The following SCGN variants were observed in gnomAD, a reference collection of about 807,000 sequenced individuals.
SCGN encodes secretagogin, EF-hand calcium binding protein.
Under a neutral mutation model 39.7 loss-of-function variants are expected in SCGN, and 30 were observed. The ratio of observed to expected loss-of-function variants is 0.76; its 90% CI spans 0.57 to 1.03. The LOEUF (loss-of-function observed/expected upper bound fraction) is 1.03. Ranked by LOEUF, SCGN falls within the 50% of genes least tolerant of loss-of-function variation. The probability of loss-of-function intolerance (pLI) is 0.00; values close to 1 mark genes in which losing one functional copy is unlikely to be tolerated. For synonymous variants in SCGN, 106 were observed against 114.1 expected (o/e 0.93, Z 0.45); for missense variants, 353 against 349.4 (o/e 1.01, Z -0.08).
chr6:25,693,412 A>C (rs1208966132), intron 10 of SCGN, among the ~76,000 whole-genome samples: 2 of 137,114 alleles, frequency 1.5e-5, no homozygotes, highest in African/African-American at 5.5e-5. Flanking sequence ...AGATTGGGCC[A>C]CTGCACTCCA....
intron 6 of SCGN, among the ~76,000 whole-genome samples, chr6:25,676,199 T>C (rs1759561144): frequency 6.6e-6 from 1 of 152,218 alleles, no homozygotes; most frequent in Non-Finnish European, 1.5e-5. Context: ...GCACAATTAT[T>C]TCTCAACTGA....
At chr6:25,653,967 C>T (rs1318365384) in intron 2 of SCGN, among the ~76,000 whole-genome samples, 1 of 152,084 alleles carries the variant, frequency 6.6e-6, no homozygotes, top group African/African-American at 2.4e-5. Flanking sequence ...ATACTCAGAG[C>T]CCAGATACAA....
chr6:25,686,783 A>G (rs935749181), intron 7 of SCGN, among the ~76,000 whole-genome samples: 5 of 152,152 alleles, frequency 3.3e-5, no homozygotes, highest in Non-Finnish European at 7.4e-5. Context: ...ATCCAAGCTC[A>G]TGAAGATTTA....
intron 4 of SCGN, among the ~76,000 whole-genome samples, chr6:25,668,985 C>T (rs984076658): frequency 6.6e-6 from 1 of 151,994 alleles, no homozygotes; most frequent in Non-Finnish European, 1.5e-5. Flanking sequence ...GTGGTGGGTG[C>T]CTGTAGTCCC....
intron 9 of SCGN, 36 bp downstream of exon 9, chr6:25,689,568 T>C: frequency 6.3e-7 from 1 of 1,579,738 alleles, no homozygotes; most frequent in Non-Finnish European, 8.7e-7. Context: ...TGGCCATCTC[T>C]GAGTAGGAAA....
intron 3 of SCGN, among the ~76,000 whole-genome samples, chr6:25,663,035 A>G (rs1459486632): frequency 6.6e-6 from 1 of 152,112 alleles, no homozygotes; most frequent in Non-Finnish European, 1.5e-5. Flanking sequence ...TTGGCCAACC[A>G]TTTTGTCTTG....
chr6:25,700,167 C>G (rs1441169927), intron 10 of SCGN, among the ~76,000 whole-genome samples: 1 of 146,060 alleles, frequency 6.8e-6, no homozygotes, highest in East Asian at 2.0e-4. Flanking sequence ...ATCGCTTGAA[C>G]CCGGGAGACG....
chr6:25,684,424 A>G (rs1447451379), intron 7 of SCGN, among the ~76,000 whole-genome samples: 1 of 152,148 alleles, frequency 6.6e-6, no homozygotes, highest in East Asian at 1.9e-4. Context: ...ACCCACAGAT[A>G]GGGGGTGCCA....
intron 10 of SCGN, among the ~76,000 whole-genome samples, chr6:25,699,354 C>T (rs991676030): frequency 3.3e-5 from 5 of 151,890 alleles, no homozygotes; most frequent in Admixed American, 6.6e-5. Flanking sequence ...TTTGGGAGGC[C>T]GAGGCAGGTG....
At chr6:25,679,186 A>C (rs985404522) in intron 6 of SCGN, 1 of 153,636 alleles carries the variant, frequency 6.5e-6, no homozygotes, top group Non-Finnish European at 1.5e-5. Flanking sequence ...GTCCTCCAGG[A>C]TGGACACTGG....
chr6:25,686,851 C>A (rs1006839724), intron 7 of SCGN, among the ~76,000 whole-genome samples: 17 of 151,970 alleles, frequency 1.1e-4, no homozygotes, highest in African/African-American at 3.6e-4. Flanking sequence ...TTATGTAAAT[C>A]CTTTTCATGT....
At chr6:25,666,996 A>G (rs1292807310) in intron 4 of SCGN, among the ~76,000 whole-genome samples, 2 of 152,208 alleles carry the variant, frequency 1.3e-5, no homozygotes, top group Non-Finnish European at 2.9e-5. Context: ...TATAGACAAT[A>G]TGACCCCCAA....
chr6:25,689,364 C>G, intron 8 of SCGN, 109 bp from the exon 9 acceptor site: 2 of 1,203,288 alleles, frequency 1.7e-6, no homozygotes, highest in Non-Finnish European at 2.4e-6. Context: ...ATCAAGGGAT[C>G]TTAAAGGTCA....
chr6:25,689,441 C>T (rs774799857), intron 8 of SCGN, 32 bp from the exon 9 acceptor site: 1 of 1,590,790 alleles, frequency 6.3e-7, no homozygotes, highest in Admixed American at 1.7e-5. Context: ...TGTCACATTG[C>T]TGGACTGACA....
chr6:25,662,104 G>T (rs2072851), intron 3 of SCGN, among the ~76,000 whole-genome samples: 4 of 152,052 alleles, frequency 2.6e-5, no homozygotes, highest in South Asian at 2.1e-4. Context: ...CAGACAATAG[G>T]TGTCTTTACT....
At position 25,689,319 on chromosome 6, in the gene SCGN, A is replaced by G; in HGVS notation, c.573+102A>G. 5 of 1,157,906 alleles carry G rather than the reference A, an allele frequency of 4.3e-6. No homozygotes were observed. The South Asian group carries it at 6.7e-5, about 16-fold the overall frequency. The allele number at this position is 1,157,906 out of a possible 1,614,324, so 71.7% of individuals were successfully genotyped here. A position where few individuals can be genotyped will look rare whatever the true frequency, so the allele number is the denominator to read the frequency against. On this transcript the variant is annotated intron_variant, in intron 8 of 10. Transcript: ENST00000377961. ...AAGGCATCTATTTGCCCTACTTTTTAACTTATTTAGAAAACAGACAAGGAT... is the reference window on the plus strand; with the variant it reads ...AAGGCATCTATTTGCCCTACTTTTTGACTTATTTAGAAAACAGACAAGGAT...
At chr6:25,662,033 T>C (rs758420115) in intron 3 of SCGN, among the ~76,000 whole-genome samples, 10 of 152,174 alleles carry the variant, frequency 6.6e-5, no homozygotes, top group Non-Finnish European at 1.5e-4. Context: ...AAGGTTAAAC[T>C]TCAGCATCAG....
At chr6:25,699,589 C>CAAAAAA (rs35915067) in intron 10 of SCGN, among the ~76,000 whole-genome samples, 9 of 53,664 alleles carry the variant, frequency 1.7e-4, no homozygotes, top group African/African-American at 3.4e-4. Context: ...AACTCTGTCT[C>CAAAAAA]AAAAAAAAAA....
At chr6:25,686,932 A>G (rs1759713323) in intron 7 of SCGN, among the ~76,000 whole-genome samples, 1 of 152,118 alleles carries the variant, frequency 6.6e-6, no homozygotes, top group Non-Finnish European at 1.5e-5. Flanking sequence ...ACTTGTCCCA[A>G]CACCATTTCT....
Sources: allele counts gnomAD v4.1 joint callset (sites outside exome capture counted in the v4.1 genomes callset), GRCh38; gene constraint gnomAD v4.1.1; transcripts MANE v1.5; gene names NCBI Gene and HGNC (gene_info 2026-07-23, HGNC 2026-07-21).